The following NCDN variants were observed in gnomAD, a reference collection of about 807,000 sequenced individuals.
The protein encoded by NCDN is norbin.
A neutral mutation model predicts 60.7 loss-of-function variants in NCDN; 9 were observed. The observed-to-expected ratio is 0.15, with a 90% CI of 0.09 to 0.26. The LOEUF (loss-of-function observed/expected upper bound fraction) is 0.26, where lower values mean the gene tolerates loss of function less well. Among genes scored for constraint, NCDN ranks in the 10% least tolerant of loss-of-function variants. The probability of loss-of-function intolerance (pLI) is 1.00; values close to 1 mark genes in which losing one functional copy is unlikely to be tolerated. For missense variants in NCDN, 578 were observed against 975.2 expected, an observed-to-expected ratio of 0.59 and a Z score of 5.42; for synonymous variants, 409 against 442.5, an observed-to-expected ratio of 0.92 and a Z score of 0.95.
At chr1:35,559,376 A>G (rs1039368597) in intron 2 of NCDN, 129 bp downstream of exon 2, 34 of 1,203,366 alleles carry the variant, frequency 2.8e-5, no homozygotes, top group Non-Finnish European at 4.0e-5. Flanking sequence ...CGAAGGCCCA[A>G]GACCCCTACC....
Position 35,560,858 on chromosome 1 carries a change from G to A in NCDN, c.707G>A (p.Ser236Asn), listed in dbSNP as rs1169310220. 1.2e-6 allele frequency: 2 copies of A among 1,614,184 alleles called. No individual in the cohort carries two copies. Among genetic ancestry groups the A allele is most frequent in the Non-Finnish European group, 1.7e-6 (2 of 1,180,024 alleles). Reference sequence around the variant, plus strand: ...GATTTCCAGAAAGCTGAGGATGCCAGCAAGTTTGAGCTCTGCCAGCTGCTG... The same window carrying A: ...GATTTCCAGAAAGCTGAGGATGCCAACAAGTTTGAGCTCTGCCAGCTGCTG... ...SEDFQKAEDA[S>N]KFELCQLLPL... Residue 236 changes from serine (S) to asparagine (N), a missense_variant, in exon 3 of 7, where the codon AGC becomes AAC. Coordinates refer to ENST00000373243, the MANE Select transcript of NCDN (RefSeq NM_014284.3). The surrounding 1 kb of genome is among the most constrained non-coding windows in gnomAD (Gnocchi z 7.6).
At position 35,561,292 on chromosome 1, in the gene NCDN, C is replaced by T; in HGVS notation, c.1141C>T (p.Gln381Ter). 1 of 1,581,782 alleles carries T rather than the reference C, an allele frequency of 6.3e-7. No homozygotes were observed. Among genetic ancestry groups the T allele is most frequent in the Non-Finnish European group, 8.6e-7 (1 of 1,167,386 alleles). Residue 381 changes from glutamine to a stop codon, truncating the protein, a stop_gained and splice_region_variant, in exon 3 of 7, where the codon CAG becomes TAG. Coordinates refer to ENST00000373243, the MANE Select transcript of NCDN (RefSeq NM_014284.3). LOFTEE classifies it high-confidence loss of function. This position sits in a 1 kb window ranked among gnomAD's most constrained non-coding sequence, Gnocchi z 4.9. ...AIGAVIHYLL[Q>*]VGSEKQKEPF... ...AGGGGCTGTTATCCACTACCTGCTG[C>T]AGGTGAGGGTGCAGTGACCCACAGA...
At chr1:35,559,692 AG>A (rs919011773) in intron 2 of NCDN, among the ~76,000 whole-genome samples, 13 of 139,448 alleles carry the variant, frequency 9.3e-5, no homozygotes, top group Middle Eastern at 3.8e-3. Flanking sequence ...GCCTTTTTGG[AG>A]GAACCCAAGC....
At position 35,565,429 on chromosome 1, in the gene NCDN, C is replaced by T. The variant is rs770635816; in HGVS notation, c.1956C>T (p.Pro652=). The T allele has an allele frequency of 1.2e-6, 2 of 1,612,502 alleles. No homozygotes were observed. The highest frequency in any genetic ancestry group is 2.2e-5 in the South Asian group (2 of 90,992). The change falls in exon 7 of 7, where the codon CCC becomes CCT. Residue 652 remains proline, a synonymous_variant. Transcript: ENST00000373243. The surrounding 1 kb of genome is among the most constrained non-coding windows in gnomAD (Gnocchi z 8.9). ...QAFTGCVPLL[P]WLAPAALRSR... ...TCACCGGCTGTGTGCCTCTGCTGCC[C>T]TGGCTGGCCCCCGCTGCCCTGCGCT...
Position 35,560,243 on chromosome 1 carries a change from T to TCCTCAGTGCCCC in NCDN, c.175-82_175-71dup. 6.6e-7 allele frequency: 1 copy of TCCTCAGTGCCCC among 1,510,038 alleles called. No homozygotes were observed. The highest frequency in any genetic ancestry group is 8.9e-7 in the Non-Finnish European group (1 of 1,119,314). 93.5% of individuals were successfully genotyped at this position (1,510,038 alleles called of 1,614,324 possible). The stretch of plus-strand genomic sequence containing the variant: ...CTGTTGCATAACCTCATCTTGCTAG[T>TCCTCAGTGCCCC]CCTCAGTGCCCCAGGATGCAGGAGA... On this transcript the variant is annotated intron_variant, in intron 2 of 6. Coordinates refer to ENST00000373243, the MANE Select transcript of NCDN (RefSeq NM_014284.3). The surrounding 1 kb of genome is among the most constrained non-coding windows in gnomAD (Gnocchi z 7.6).
Position 35,565,528 on chromosome 1 carries a change from C to A in NCDN, c.2055C>A (p.Ala685=). ...SPNSVKPEMV[A]AYQGVLVELA... ...ACTCTGTCAAGCCCGAGATGGTGGC[C>A]GCCTATCAGGGTGTCCTGGTGGAGC... is the stretch of plus-strand genomic sequence containing the variant. Residue 685 remains alanine, a synonymous_variant, in exon 7 of 7, where the codon GCC becomes GCA. Transcript: ENST00000373243. This position sits in a 1 kb window ranked among gnomAD's most constrained non-coding sequence, Gnocchi z 8.9. The A allele has an allele frequency of 6.4e-7, 1 of 1,571,360 alleles. No homozygotes were observed. The highest frequency in any genetic ancestry group is 1.1e-5 in the South Asian group (1 of 87,154).
Position 35,563,754 on chromosome 1 carries a change from C to A in NCDN, c.1611-13C>A. ...CCCCACCTACCTCCATCCTTCCCCC[C>A]TTTCTTTTCCAGGCGTGACGCCTGC... On this transcript the variant is annotated splice_polypyrimidine_tract_variant and intron_variant, in intron 5 of 6. Coordinates refer to ENST00000373243, the MANE Select transcript of NCDN (RefSeq NM_014284.3). This position sits in a 1 kb window ranked among gnomAD's most constrained non-coding sequence, Gnocchi z 6.6. 6.2e-7 allele frequency: 1 copy of A among 1,613,508 alleles called. No homozygotes were observed. Among genetic ancestry groups the A allele is most frequent in the South Asian group, 1.1e-5 (1 of 91,006 alleles).
In NCDN at chr1:35,565,130, C is replaced by G; in HGVS notation, c.1754-97C>G. The stretch of plus-strand genomic sequence containing the variant: ...AGGCAGTCTGATTCCAGGCTGTGCC[C>G]TGGCTCCTGCATGTGTCTACACAGA... On this transcript the variant is annotated intron_variant, in intron 6 of 6. Coordinates refer to ENST00000373243, the MANE Select transcript of NCDN (RefSeq NM_014284.3). This position sits in a 1 kb window ranked among gnomAD's most constrained non-coding sequence, Gnocchi z 8.9. The G allele has an allele frequency of 8.0e-7, 1 of 1,253,884 alleles. No individual in the cohort carries two copies. Among genetic ancestry groups the G allele is most frequent in the Non-Finnish European group, 1.1e-6 (1 of 902,104 alleles). 77.7% of individuals were successfully genotyped at this position (1,253,884 alleles called of 1,614,324 possible). A position where few individuals can be genotyped will look rare whatever the true frequency, so the allele number is the denominator to read the frequency against.
chr1:35,562,555 A>G lies in NCDN; in HGVS notation c.1307A>G (p.Asn436Ser), dbSNP rs1157891472. 8.7e-6 allele frequency: 14 copies of G among 1,614,038 alleles called. No homozygotes were observed. The highest frequency in any genetic ancestry group is 1.2e-5 in the Non-Finnish European group (14 of 1,179,970). Residue 436 changes from asparagine (N) to serine (S), a missense_variant, in exon 4 of 7, where the codon AAT becomes AGT. Asn to Ser is a conservative substitution (Grantham distance 46). Around this residue, in one of 3 missense-constraint regions of NCDN, gnomAD observed 24 missense variants for 19.5 expected, o/e 1.23. Coordinates refer to ENST00000373243, the MANE Select transcript of NCDN (RefSeq NM_014284.3). This position sits in a 1 kb window ranked among gnomAD's most constrained non-coding sequence, Gnocchi z 6.8. Reference sequence around the variant, plus strand: ...CTCTACGAGGAGGCCGAGGAGGCCAATGACCTTTCCCAGCAGGTGGCCAAC... The same window carrying G: ...CTCTACGAGGAGGCCGAGGAGGCCAGTGACCTTTCCCAGCAGGTGGCCAAC... Reference protein sequence around the residue: ...KTLYEEAEEANDLSQQVANLA... With the variant: ...KTLYEEAEEASDLSQQVANLA...
rs1355956067 is a variant in NCDN, at chr1:35,562,978, C to T, written c.1386-224C>T. ...CATATGAAAGATTAGGAAACTGAGG[C>T]TCATAGAGATTAAAGTCACTTGCCC... On this transcript the variant is annotated intron_variant, in intron 4 of 6. Coordinates refer to ENST00000373243, the MANE Select transcript of NCDN (RefSeq NM_014284.3). This position sits in a 1 kb window ranked among gnomAD's most constrained non-coding sequence, Gnocchi z 6.8. Among the ~76,000 whole-genome samples the T allele has an allele frequency of 6.6e-6, 1 of 152,216 alleles. No homozygotes were observed. Among genetic ancestry groups the T allele is most frequent in the East Asian group, 1.9e-4 (1 of 5,186 alleles).
In NCDN at chr1:35,563,525, A is replaced by G. The variant is rs1648773401; in HGVS notation, c.1610+99A>G. The G allele has an allele frequency of 2.2e-6, 3 of 1,361,620 alleles. No homozygotes were observed. The highest frequency in any genetic ancestry group is 1.4e-5 in the African/African-American group (1 of 69,602). 84.3% of individuals were successfully genotyped at this position (1,361,620 alleles called of 1,614,324 possible). A position where few individuals can be genotyped will look rare whatever the true frequency, so the allele number is the denominator to read the frequency against. On this transcript the variant is annotated intron_variant, in intron 5 of 6. Coordinates refer to ENST00000373243, the MANE Select transcript of NCDN (RefSeq NM_014284.3). The surrounding 1 kb of genome is among the most constrained non-coding windows in gnomAD (Gnocchi z 6.6). ...GTCTCCTACTTTGCCCCCCATGCCC[A>G]TGGATTTGTTAGTGGTAGCATGGGG...
Position 35,562,870 on chromosome 1 carries a change from C to G in NCDN, c.1385+237C>G, listed in dbSNP as rs1447115114. On this transcript the variant is annotated intron_variant, in intron 4 of 6. Coordinates refer to ENST00000373243, the MANE Select transcript of NCDN (RefSeq NM_014284.3). This position sits in a 1 kb window ranked among gnomAD's most constrained non-coding sequence, Gnocchi z 6.8. ...AGAACTTATACTTATTGAGCACCTA[C>G]TACGAGCCAGGTATTTTGCTATACC... 6.6e-6 allele frequency among the ~76,000 whole-genome samples: 1 copy of G among 152,232 alleles called. No individual in the cohort carries two copies. Among genetic ancestry groups the G allele is most frequent in the African/African-American group, 2.4e-5 (1 of 41,462 alleles).
At position 35,563,580 on chromosome 1, in the gene NCDN, C is replaced by A. The variant is rs1003681245; in HGVS notation, c.1610+154C>A. On this transcript the variant is annotated intron_variant, in intron 5 of 6. Coordinates refer to ENST00000373243, the MANE Select transcript of NCDN (RefSeq NM_014284.3). This position sits in a 1 kb window ranked among gnomAD's most constrained non-coding sequence, Gnocchi z 6.6. Reference sequence around the variant, plus strand: ...CAGAGTAGACATAGCCAGCCCCGCACAAGGATTCGGCATGCTGGAACCCCC... The same window carrying A: ...CAGAGTAGACATAGCCAGCCCCGCAAAAGGATTCGGCATGCTGGAACCCCC... 2.6e-5 allele frequency among the ~76,000 whole-genome samples: 4 copies of A among 152,156 alleles called. No individual in the cohort carries two copies. The highest frequency in any genetic ancestry group is 4.4e-5 in the Non-Finnish European group (3 of 68,032).
At position 35,560,280 on chromosome 1, in the gene NCDN, T is replaced by C. The variant is rs1648649402; in HGVS notation, c.175-46T>C. ...CAGGATGCAGGAGAGGGACAGTCTT[T>C]CCCACTTCTTCCTTTCATCCTGATG... On this transcript the variant is annotated intron_variant, in intron 2 of 6. Coordinates refer to ENST00000373243, the MANE Select transcript of NCDN (RefSeq NM_014284.3). The surrounding 1 kb of genome is among the most constrained non-coding windows in gnomAD (Gnocchi z 7.6). 1 of 1,578,854 alleles carries C rather than the reference T, an allele frequency of 6.3e-7. No homozygotes were observed. Among genetic ancestry groups the C allele is most frequent in the Non-Finnish European group, 8.6e-7 (1 of 1,163,176 alleles).
Position 35,558,809 on chromosome 1 carries a change from C to A in NCDN, c.34-298C>A. 1.2e-6 allele frequency: 1 copy of A among 832,160 alleles called. No homozygotes were observed. The highest frequency in any genetic ancestry group is 1.6e-6 in the Non-Finnish European group (1 of 607,260). The allele number at this position is 832,160 out of a possible 1,614,324, so 51.5% of individuals were successfully genotyped here. On this transcript the variant is annotated intron_variant, in intron 1 of 6. Transcript: ENST00000373243. The surrounding 1 kb of genome is among the most constrained non-coding windows in gnomAD (Gnocchi z 6.3). ...GAGCAGTGGGGCCAGCTCCCGCCCA[C>A]CCCCAGGAGACTGGTGAGGAGAGCT...
rs756162956 is a variant in NCDN at position 35,559,117 on chromosome 1, C to G, written c.44C>G (p.Ala15Gly). The G allele has an allele frequency of 6.2e-7, 1 of 1,612,408 alleles. No individual in the cohort carries two copies. Among genetic ancestry groups the G allele is most frequent in the Non-Finnish European group, 8.5e-7 (1 of 1,179,658 alleles). Residue 15 changes from alanine to glycine, a missense_variant, in exon 2 of 7, where the codon GCG becomes GGG. Around this residue, in one of 3 missense-constraint regions of NCDN, gnomAD observed 363 missense variants for 583.6 expected, o/e 0.62. Coordinates refer to ENST00000373243, the MANE Select transcript of NCDN (RefSeq NM_014284.3). ...CTCTTGTGTTCACAGTTGGGCAAGG[C>G]GAGCATCATGGCCTCGGATTGCGAG... is the stretch of plus-strand genomic sequence containing the variant. Reference protein sequence around the residue: ...DLAAAGQLGKASIMASDCEPA... With the variant: ...DLAAAGQLGKGSIMASDCEPA...
chr1:35,564,529 G>A (rs1648808825), intron 6 of NCDN, among the ~76,000 whole-genome samples: 2 of 152,228 alleles, frequency 1.3e-5, no homozygotes, highest in Non-Finnish European at 2.9e-5. Flanking sequence ...GGAACAGGGC[G>A]TAACATGCCC....
In NCDN at chr1:35,558,810, C is replaced by T. The variant is rs1648539610; in HGVS notation, c.34-297C>T. 2.4e-6 allele frequency: 2 copies of T among 818,558 alleles called. No individual in the cohort carries two copies. Among genetic ancestry groups the T allele is most frequent in the Non-Finnish European group, 3.4e-6 (2 of 594,020 alleles). The allele number at this position is 818,558 out of a possible 1,614,324, so 50.7% of individuals were successfully genotyped here. A position where few individuals can be genotyped will look rare whatever the true frequency, so the allele number is the denominator to read the frequency against. On this transcript the variant is annotated intron_variant, in intron 1 of 6. Transcript: ENST00000373243. This position sits in a 1 kb window ranked among gnomAD's most constrained non-coding sequence, Gnocchi z 6.3. ...AGCAGTGGGGCCAGCTCCCGCCCAC[C>T]CCCAGGAGACTGGTGAGGAGAGCTG... is the stretch of plus-strand genomic sequence containing the variant.
chr1:35,563,394 C>A lies in NCDN; in HGVS notation c.1578C>A (p.Leu526=), dbSNP rs1262501124. Reference sequence around the variant, plus strand: ...TGCAGACCTGCTGCCACATCTTCCTCAACCTCGTGGTCACCGCACCGGGGC... The same window carrying A: ...TGCAGACCTGCTGCCACATCTTCCTAAACCTCGTGGTCACCGCACCGGGGC... ...IGLQTCCHIF[L]NLVVTAPGLI... Residue 526 remains leucine (L), a synonymous_variant, in exon 5 of 7, where the codon CTC becomes CTA. Transcript: ENST00000373243. The surrounding 1 kb of genome is among the most constrained non-coding windows in gnomAD (Gnocchi z 6.6). 6.2e-7 allele frequency: 1 copy of A among 1,614,158 alleles called. No individual in the cohort carries two copies. The highest frequency in any genetic ancestry group is 1.1e-5 in the South Asian group (1 of 91,084).
Sources: allele counts gnomAD v4.1 joint callset (sites outside exome capture counted in the v4.1 genomes callset), GRCh38; gene constraint gnomAD v4.1.1; regional missense constraint gnomAD v4.1.1; non-coding constraint Gnocchi (gnomAD v3.1); transcripts MANE v1.5; gene names NCBI Gene and HGNC (gene_info 2026-07-23, HGNC 2026-07-21).